The following MNAT1 variants were observed in gnomAD, a reference collection of about 807,000 sequenced individuals.
MNAT1 encodes MNAT1 component of CDK activating kinase.
MNAT1 carries 43 observed loss-of-function variants against 42.0 expected under a neutral mutation model. The ratio of observed to expected loss-of-function variants is 1.02; its 90% CI spans 0.80 to 1.32. The LOEUF is 1.32. Ranked by LOEUF, MNAT1 falls within the 40% of genes most tolerant of loss-of-function variation. The pLI, the probability that MNAT1 is intolerant of heterozygous loss-of-function variation, is 0.00. For synonymous variants in MNAT1, 118 were observed against 120.0 expected (o/e 0.98, Z 0.11); for missense variants, 306 against 350.4 (o/e 0.87, Z 1.01).
In MNAT1 at chr14:60,908,688, T is replaced by C. The variant is rs1483464708; in HGVS notation, c.809+28853T>C. ...TATGGCTGCATAGTATTCCATGGTG[T>C]ATATGTGCCACATTTTCTTAATCCA... On this transcript the variant is annotated intron_variant, in intron 7 of 7. Transcript: ENST00000261245. 5.3e-5 allele frequency among the ~76,000 whole-genome samples: 8 copies of C among 152,354 alleles called. No individual in the cohort carries two copies. In the East Asian group the frequency reaches 1.3e-3, roughly 26 times the overall value.
intron 1 of MNAT1, among the ~76,000 whole-genome samples, chr14:60,771,052 T>C (rs1459155262): frequency 3.9e-5 from 6 of 152,206 alleles, no homozygotes; most frequent in African/African-American, 1.4e-4. Flanking sequence ...TTCTCTAGTA[T>C]ATATACGTAG....
chr14:60,813,964 T>G (rs902396706), intron 5 of MNAT1, among the ~76,000 whole-genome samples: 1 of 152,148 alleles, frequency 6.6e-6, no homozygotes, highest in Non-Finnish European at 1.5e-5. Context: ...AGATTTTTGT[T>G]TAATATCCAT....
intron 3 of MNAT1, among the ~76,000 whole-genome samples, chr14:60,800,410 G>C (rs570079350): frequency 1.3e-5 from 2 of 152,204 alleles, no homozygotes; most frequent in African/African-American, 4.8e-5. Flanking sequence ...TGGGTGTAGT[G>C]GCACACGTTT....
At chr14:60,749,049 T>C (rs565213199) in intron 1 of MNAT1, among the ~76,000 whole-genome samples, 1 of 152,158 alleles carries the variant, frequency 6.6e-6, no homozygotes, top group Admixed American at 6.5e-5. Flanking sequence ...TCAGCTGTAT[T>C]ATAATCTTAA....
In MNAT1 at chr14:60,915,183, C is replaced by T. The variant is rs74972627; in HGVS notation, c.809+35348C>T. Among the ~76,000 whole-genome samples the T allele has an allele frequency of 3.1e-3, 472 of 152,264 alleles. 1 individual carries two copies. The highest frequency in any genetic ancestry group is 0.011 in the African/African-American group (449 of 41,564). ...TAGCTTTTTGTTCTACTATTTACCT[C>T]TGTATTTCTAAATAACATCATCATA... On this transcript the variant is annotated intron_variant, in intron 7 of 7. Coordinates refer to ENST00000261245, the MANE Select transcript of MNAT1 (RefSeq NM_002431.4).
At position 60,774,790 on chromosome 14, in the gene MNAT1, C is replaced by T. The variant is rs144988855; in HGVS notation, c.90-21427C>T. Among the ~76,000 whole-genome samples the T allele has an allele frequency of 2.0e-5, 3 of 152,142 alleles. 1 individual carries two copies. The East Asian group carries it at 5.8e-4, about 29-fold the overall frequency. On this transcript the variant is annotated intron_variant, in intron 1 of 7. Coordinates refer to ENST00000261245, the MANE Select transcript of MNAT1 (RefSeq NM_002431.4). Reference sequence around the variant, plus strand: ...TCAAGGAAGCCTCCTAGGTTTTTGGCATTAGCAACTATGTGGATTGTGTGA... The same window carrying T: ...TCAAGGAAGCCTCCTAGGTTTTTGGTATTAGCAACTATGTGGATTGTGTGA...
intron 1 of MNAT1, among the ~76,000 whole-genome samples, chr14:60,747,660 A>G (rs1328222288): frequency 6.6e-6 from 1 of 152,214 alleles, no homozygotes; most frequent in Non-Finnish European, 1.5e-5. Context: ...CTAGGATATT[A>G]CTATACACTA....
chr14:60,761,178 T>G (rs1378984147), intron 1 of MNAT1, among the ~76,000 whole-genome samples: 1 of 151,688 alleles, frequency 6.6e-6, no homozygotes, highest in African/African-American at 2.4e-5. Context: ...CTTGTGGTAC[T>G]TTTTTTTGCC....
At chr14:60,844,210 G>T (rs10136048) in intron 6 of MNAT1, among the ~76,000 whole-genome samples, 140,679 of 152,154 alleles carry the variant, frequency 0.92, 65,586 homozygotes, top group Non-Finnish European at 0.99. Context: ...TTTCAAGATT[G>T]CTTTTTGCAT....
chr14:60,927,509 C>T (rs2035790635), intron 7 of MNAT1, among the ~76,000 whole-genome samples: 1 of 152,146 alleles, frequency 6.6e-6, no homozygotes, highest in South Asian at 2.1e-4. Context: ...GGGCCCCATG[C>T]CCAGAAAGGA....
At position 60,969,655 on chromosome 14, in the gene MNAT1, C is replaced by A. The variant is rs1477394218; in HGVS notation, c.*1306C>A. ...CAGACTGCATATCCTATTCCTGTAT[C>A]TATTAGGTATTCCCGAACTGAGGAT... On this transcript the variant is annotated 3_prime_UTR_variant, in exon 8 of 8. Transcript: ENST00000261245. 2.0e-5 allele frequency: 3 copies of A among 151,978 alleles called. No individual in the cohort carries two copies. The highest frequency in any genetic ancestry group is 7.2e-5 in the African/African-American group (3 of 41,382). 9.4% of individuals were successfully genotyped at this position (151,978 alleles called of 1,614,324 possible).
intron 6 of MNAT1, among the ~76,000 whole-genome samples, chr14:60,867,286 C>G (rs1380328378): frequency 3.3e-5 from 5 of 151,970 alleles, no homozygotes; most frequent in Non-Finnish European, 7.4e-5. Flanking sequence ...GATGAAACCT[C>G]TTTTTTTATT....
intron 7 of MNAT1, among the ~76,000 whole-genome samples, chr14:60,926,169 T>G (rs2035759553): frequency 6.6e-6 from 1 of 152,136 alleles, no homozygotes; most frequent in African/African-American, 2.4e-5. Context: ...AAAGAGTTGT[T>G]GAAAGAGATA....
At chr14:60,901,437 G>A (rs989372143) in intron 7 of MNAT1, among the ~76,000 whole-genome samples, 4 of 152,186 alleles carry the variant, frequency 2.6e-5, no homozygotes, top group Admixed American at 2.6e-4. Context: ...GGATCAAGGA[G>A]TAATTTTGAC....
intron 7 of MNAT1, among the ~76,000 whole-genome samples, chr14:60,962,824 T>C (rs2036619703): frequency 6.6e-6 from 1 of 152,194 alleles, no homozygotes. Context: ...TCACTCTCTT[T>C]CCAAGTGTAT....
At chr14:60,852,447 C>A (rs2033848858) in intron 6 of MNAT1, among the ~76,000 whole-genome samples, 1 of 151,874 alleles carries the variant, frequency 6.6e-6, no homozygotes, top group Admixed American at 6.6e-5. Flanking sequence ...GGATATTAGA[C>A]CTTTGTCAGA....
chr14:60,877,943 A>G (rs1196579759), intron 6 of MNAT1, among the ~76,000 whole-genome samples: 1 of 152,104 alleles, frequency 6.6e-6, no homozygotes, highest in South Asian at 2.1e-4. Flanking sequence ...GATGTGAAAT[A>G]AATACACATT....
chr14:60,955,359 A>T (rs535878173), intron 7 of MNAT1, among the ~76,000 whole-genome samples: 3 of 149,562 alleles, frequency 2.0e-5, no homozygotes, highest in South Asian at 4.2e-4. Flanking sequence ...TAATGACATT[A>T]AAAAAAAAAT....
At chr14:60,928,916 C>G (rs1311637622) in intron 7 of MNAT1, among the ~76,000 whole-genome samples, 5 of 150,930 alleles carry the variant, frequency 3.3e-5, no homozygotes, top group Non-Finnish European at 7.4e-5. Context: ...CCTAGGTGGG[C>G]AGATTACAGA....
Sources: allele counts gnomAD v4.1 joint callset (sites outside exome capture counted in the v4.1 genomes callset), GRCh38; gene constraint gnomAD v4.1.1; transcripts MANE v1.5; gene names NCBI Gene and HGNC (gene_info 2026-07-23, HGNC 2026-07-21).